The following STARD13 variants were observed in gnomAD, a reference collection of about 807,000 sequenced individuals.
STARD13 encodes the protein StAR related lipid transfer domain containing 13, also known as stAR-related lipid transfer protein 13.
In STARD13, 62 loss-of-function variants were observed where a neutral mutation model predicts 106.4. The observed-to-expected ratio is 0.58, with a 90% CI of 0.48 to 0.72. The LOEUF (loss-of-function observed/expected upper bound fraction) is 0.72. Ranked by LOEUF, STARD13 falls within the 30% of genes least tolerant of loss-of-function variation. STARD13 has a pLI of 0.00. For missense variants in STARD13, 1,387 were observed against 1,424.0 expected, an observed-to-expected ratio of 0.97 and a Z score of 0.42; for synonymous variants, 565 against 553.0, an observed-to-expected ratio of 1.02 and a Z score of -0.31.
the STARD13 span, among the ~76,000 whole-genome samples, chr13:33,632,884 C>A: frequency 6.6e-6 from 1 of 151,092 alleles, no homozygotes; most frequent in South Asian, 2.1e-4. Flanking sequence ...GCACAGTGAT[C>A]ATTCATGGAA....
intron 1 of STARD13, among the ~76,000 whole-genome samples, chr13:33,308,411 C>T (rs1261831713): frequency 2.6e-5 from 4 of 151,622 alleles, no homozygotes; most frequent in East Asian, 1.9e-4. Flanking sequence ...TATCAATATG[C>T]GTATCTGCAT....
intron 9 of STARD13, 140 bp downstream of exon 9, chr13:33,112,581 T>C: frequency 1.4e-6 from 1 of 697,656 alleles, no homozygotes. Flanking sequence ...CGTTGATCTA[T>C]CTACCTACCT....
chr13:33,626,126 C>T, the STARD13 span, among the ~76,000 whole-genome samples: 1 of 152,142 alleles, frequency 6.6e-6, no homozygotes, highest in Non-Finnish European at 1.5e-5. Context: ...ATAGCTACAT[C>T]AGAAACACAC....
chr13:33,530,624 C>T, the STARD13 span, among the ~76,000 whole-genome samples: 2 of 152,016 alleles, frequency 1.3e-5, no homozygotes, highest in African/African-American at 4.8e-5. Context: ...AAACAAGGAG[C>T]GAATTAAGAT....
At chr13:33,551,778 G>T in the STARD13 span, among the ~76,000 whole-genome samples, 37 of 151,042 alleles carry the variant, frequency 2.4e-4, no homozygotes, top group African/African-American at 9.0e-4. Context: ...TTGTATTATT[G>T]ATAGAGGCAG....
At chr13:33,613,704 C>G in the STARD13 span, among the ~76,000 whole-genome samples, 1 of 152,154 alleles carries the variant, frequency 6.6e-6, no homozygotes, top group East Asian at 1.9e-4. Context: ...AAGGTCCTGA[C>G]AGGACAGGCT....
At chr13:33,496,096 A>G in the STARD13 span, among the ~76,000 whole-genome samples, 1 of 142,166 alleles carries the variant, frequency 7.0e-6, no homozygotes, top group African/African-American at 2.5e-5. Context: ...ATATTAACTA[A>G]ATAATTATTT....
the STARD13 span, among the ~76,000 whole-genome samples, chr13:33,439,129 A>G: frequency 6.6e-6 from 1 of 152,246 alleles, no homozygotes; most frequent in African/African-American, 2.4e-5. Flanking sequence ...GACTATTCAA[A>G]TGAAAAGTAC....
chr13:33,350,643 C>A (rs577488751), upstream of STARD13: 4 of 1,325,220 alleles, frequency 3.0e-6, no homozygotes, highest in South Asian at 7.0e-5. Context: ...CCTCTGCGCT[C>A]GCCAACTCCT....
At chr13:33,255,627 C>G (rs1320113638) in intron 1 of STARD13, among the ~76,000 whole-genome samples, 3 of 152,196 alleles carry the variant, frequency 2.0e-5, no homozygotes, top group Admixed American at 1.3e-4. Flanking sequence ...CTGCTAGAGA[C>G]AGAAAAAAAT....
At chr13:33,627,969 CTT>C in the STARD13 span, among the ~76,000 whole-genome samples, 14 of 143,318 alleles carry the variant, frequency 9.8e-5, no homozygotes, top group East Asian at 2.0e-4. Context: ...TTTTTTCTTT[CTT>C]TTTTTTTTTT....
In STARD13 at chr13:33,112,879, C is replaced by T; in HGVS notation, c.2334G>A (p.Leu778=). Residue 778 remains leucine, a synonymous_variant, in exon 9 of 14, where the codon CTG becomes CTA. Transcript: ENST00000336934. ...GCAGGACCTCCCTGTTCTCATCGGC[C>T]AGTAGCAGGATGGCAGCCTGCACGG... ...LQAVQAAILL[L]ADENREVLQT... The T allele has an allele frequency of 6.2e-7, 1 of 1,613,764 alleles. No individual in the cohort carries two copies. Among genetic ancestry groups the T allele is most frequent in the African/African-American group, 1.3e-5 (1 of 75,054 alleles).
At chr13:33,173,648 C>T (rs1197937789) in intron 1 of STARD13, among the ~76,000 whole-genome samples, 1 of 152,042 alleles carries the variant, frequency 6.6e-6, no homozygotes, top group African/African-American at 2.4e-5. Context: ...ATTTTCTTTC[C>T]ATGATTTTCT....
intron 1 of STARD13, among the ~76,000 whole-genome samples, chr13:33,203,923 T>G (rs1887228191): frequency 6.6e-6 from 1 of 152,204 alleles, no homozygotes; most frequent in Non-Finnish European, 1.5e-5. Flanking sequence ...TTACTGACAT[T>G]TGAAATATCT....
the STARD13 span, among the ~76,000 whole-genome samples, chr13:33,360,851 A>G: frequency 7.3e-6 from 1 of 136,106 alleles, no homozygotes; most frequent in African/African-American, 2.8e-5. Context: ...GCTGGAGTGC[A>G]GTGGCGCAAT....
chr13:33,409,311 C>T, the STARD13 span, among the ~76,000 whole-genome samples: 3 of 152,086 alleles, frequency 2.0e-5, no homozygotes, highest in South Asian at 2.1e-4. Context: ...ATCATTGTCT[C>T]GATTTTACAG....
the STARD13 span, among the ~76,000 whole-genome samples, chr13:33,403,050 G>A: frequency 6.6e-6 from 1 of 152,260 alleles, no homozygotes; most frequent in African/African-American, 2.4e-5. Flanking sequence ...ACATTAAGGT[G>A]TCTGAGGATG....
rs148511331 is a variant in STARD13 at position 33,238,631 on chromosome 13, C to A, written c.169+46839G>T. 2.9e-3 allele frequency among the ~76,000 whole-genome samples: 440 copies of A among 152,166 alleles called. 6 individuals are homozygous for A. The highest frequency in any genetic ancestry group is 0.01 in the African/African-American group (428 of 41,522). ...CAAGGAACAGTAGAAAATCTATGAGCTCTAGAGTGAGAAAACCTGACTTGA... is the reference window on the plus strand; with the variant it reads ...CAAGGAACAGTAGAAAATCTATGAGATCTAGAGTGAGAAAACCTGACTTGA... On this transcript the variant is annotated intron_variant, in intron 1 of 13. Transcript: ENST00000336934.
At chr13:33,114,747 C>T (rs376745984) in intron 8 of STARD13, among the ~76,000 whole-genome samples, 7 of 152,074 alleles carry the variant, frequency 4.6e-5, no homozygotes, top group Non-Finnish European at 7.3e-5. Flanking sequence ...TTTGAAGAGT[C>T]GCCTGTCATC....
Sources: gnomAD v4.1 joint callset for allele counts (sites outside exome capture counted in the v4.1 genomes callset) on GRCh38, gnomAD v4.1.1 for gene constraint, MANE v1.5 for transcripts, NCBI Gene and HGNC (gene_info 2026-07-23, HGNC 2026-07-21) for gene names.